The following TMPRSS2 variants were observed in gnomAD, a reference collection of about 807,000 sequenced individuals.
TMPRSS2 encodes the protein transmembrane protease serine 2.
A neutral mutation model predicts 67.4 loss-of-function variants in TMPRSS2; 59 were observed. The ratio of observed to expected loss-of-function variants is 0.88; its 90% CI spans 0.71 to 1.09. The LOEUF is 1.09. TMPRSS2 is among the 50% of genes least tolerant of loss of function. TMPRSS2 has a pLI of 0.00. For synonymous variants in TMPRSS2, 257 were observed against 257.0 expected, an observed-to-expected ratio of 1.00 and a Z score of 0.00; for missense variants, 668 against 642.7, an observed-to-expected ratio of 1.04 and a Z score of -0.43.
intron 5 of TMPRSS2, among the ~76,000 whole-genome samples, chr21:41,480,873 G>C (rs2091251991): frequency 6.6e-6 from 1 of 152,094 alleles, no homozygotes; most frequent in Non-Finnish European, 1.5e-5. Context: ...CCTGACCTCA[G>C]GTGATCCCCC....
chr21:41,480,450 C>G (rs1189538905), intron 6 of TMPRSS2, 26 bp downstream of exon 6: 1 of 1,608,990 alleles, frequency 6.2e-7, no homozygotes, highest in Admixed American at 1.7e-5. Flanking sequence ...GTTACTGTCA[C>G]TCGGCGGGTG....
rs1383179569 is a variant in TMPRSS2, at chr21:41,464,559, A to G, written c.*1583T>C. ...CTTCAAAGATGCAGTAGTTACTTTG[A>G]AAAAAAAATTGCATAATTTATTTGC... On this transcript the variant is annotated 3_prime_UTR_variant, in exon 14 of 14. Coordinates refer to ENST00000332149, the MANE Select transcript of TMPRSS2 (RefSeq NM_005656.4). The G allele has an allele frequency of 5.8e-6, 1 of 173,782 alleles. No individual in the cohort carries two copies. The highest frequency in any genetic ancestry group is 7.4e-5 in the East Asian group (1 of 13,478). The allele number at this position is 173,782 out of a possible 1,614,324, so 10.8% of individuals were successfully genotyped here. A position where few individuals can be genotyped will look rare whatever the true frequency, so the allele number is the denominator to read the frequency against.
chr21:41,483,209 T>C (rs2091269397), intron 5 of TMPRSS2, among the ~76,000 whole-genome samples: 1 of 152,212 alleles, frequency 6.6e-6, no homozygotes, highest in South Asian at 2.1e-4. Context: ...CTCGCTGCCC[T>C]GTCTGTTTCA....
chr21:41,496,384 C>A (rs1047216525), intron 2 of TMPRSS2, among the ~76,000 whole-genome samples: 1 of 152,242 alleles, frequency 6.6e-6, no homozygotes, highest in Admixed American at 6.5e-5. Context: ...TGGTTCACAA[C>A]ATGGGCTGTT....
chr21:41,466,351 G>A (rs555911696), intron 13 of TMPRSS2, among the ~76,000 whole-genome samples, 198 bp from the exon 14 acceptor site: 35 of 152,340 alleles, frequency 2.3e-4, no homozygotes, highest in African/African-American at 8.2e-4. Flanking sequence ...CGGAAGGAGC[G>A]GGCAGCGGAT....
rs2091126075 is a variant in TMPRSS2, at chr21:41,470,741, G to A, written c.1078C>T (p.Leu360=). The change falls in exon 11 of 14, where the codon CTA becomes TTA. Residue 360 remains leucine, a splice_region_variant and synonymous_variant. Transcript: ENST00000332149. Reference sequence around the variant, plus strand: ...TTGGGCAGACACACTGGTTTCACTAGGTCTGTTTCAAGAAGAGAAAACACA... The same window carrying A: ...TTGGGCAGACACACTGGTTTCACTAAGTCTGTTTCAAGAAGAGAAAACACA... The part of the protein sequence containing the change: ...KLQKPLTFND[L]VKPVCLPNPG... 9.9e-6 allele frequency: 16 copies of A among 1,612,904 alleles called. No individual in the cohort carries two copies. The highest frequency in any genetic ancestry group is 1.4e-5 in the Non-Finnish European group (16 of 1,179,908).
intron 13 of TMPRSS2, among the ~76,000 whole-genome samples, chr21:41,466,486 T>C (rs1432728464): frequency 6.6e-6 from 1 of 152,218 alleles, no homozygotes; most frequent in African/African-American, 2.4e-5. Flanking sequence ...CAAACACACC[T>C]GGATCATTTC....
Position 41,479,051 on chromosome 21 carries a change from T to A in TMPRSS2, c.683+121A>T, listed in dbSNP as rs184993135. The A allele has an allele frequency of 8.6e-5, 65 of 756,742 alleles. No homozygotes were observed. The Admixed American group carries it at 1.2e-3, about 14-fold the overall frequency. The allele number at this position is 756,742 out of a possible 1,614,324, so 46.9% of individuals were successfully genotyped here. ...TGGTCAGACTCTAATCTCCTCCCAA[T>A]GCAAAACCCATCCAGACCGAGTATT... is the stretch of plus-strand genomic sequence containing the variant. On this transcript the variant is annotated intron_variant, in intron 7 of 13. Coordinates refer to ENST00000332149, the MANE Select transcript of TMPRSS2 (RefSeq NM_005656.4).
Position 41,470,761 on chromosome 21 carries a change from AAC to A in TMPRSS2, c.1076-20_1076-19del. The A allele has an allele frequency of 6.2e-7, 1 of 1,611,982 alleles. No individual in the cohort carries two copies. The highest frequency in any genetic ancestry group is 8.5e-7 in the Non-Finnish European group (1 of 1,179,458). On this transcript the variant is annotated intron_variant, in intron 10 of 13. Coordinates refer to ENST00000332149, the MANE Select transcript of TMPRSS2 (RefSeq NM_005656.4). Reference sequence around the variant, plus strand: ...CACTAGGTCTGTTTCAAGAAGAGAAAACACAGTGAGCCAGGCGGGTATCACCT... The same window carrying A: ...CACTAGGTCTGTTTCAAGAAGAGAAAACAGTGAGCCAGGCGGGTATCACCT...
At chr21:41,504,105 T>G (rs1373048385) in intron 1 of TMPRSS2, among the ~76,000 whole-genome samples, 2 of 152,222 alleles carry the variant, frequency 1.3e-5, no homozygotes, top group Non-Finnish European at 2.9e-5. Context: ...TTGAAAATAT[T>G]TTTCTAACAA....
chr21:41,470,292 GC>G (rs1480061028), intron 11 of TMPRSS2, among the ~76,000 whole-genome samples: 2 of 152,166 alleles, frequency 1.3e-5, no homozygotes, highest in Non-Finnish European at 2.9e-5. Context: ...TCCTCACCAA[GC>G]CCCCTGTCAC....
At chr21:41,479,022 G>T in intron 7 of TMPRSS2, 150 bp downstream of exon 7, 1 of 620,518 alleles carries the variant, frequency 1.6e-6, no homozygotes, top group Non-Finnish European at 2.8e-6. Flanking sequence ...AGAGTAACCA[G>T]GCCTGGTCAG....
chr21:41,487,773 A>G lies in TMPRSS2; in HGVS notation c.445+621T>C, dbSNP rs1285707904. On this transcript the variant is annotated intron_variant, in intron 5 of 13. Transcript: ENST00000332149. Reference sequence around the variant, plus strand: ...AAAGGCAGCTTGTTTTGAAAATAACATAGTGCATCTCCAATTTTGTTTTTA... The same window carrying G: ...AAAGGCAGCTTGTTTTGAAAATAACGTAGTGCATCTCCAATTTTGTTTTTA... 2.6e-5 allele frequency: 4 copies of G among 152,220 alleles called. No individual in the cohort carries two copies. The East Asian group carries it at 7.7e-4, about 29-fold the overall frequency. The allele number at this position is 152,220 out of a possible 1,614,324, so 9.4% of individuals were successfully genotyped here.
chr21:41,468,668 G>C (rs462326), intron 11 of TMPRSS2, 130 bp from the exon 12 acceptor site: 790,445 of 1,062,542 alleles, frequency 0.74, 303,262 homozygotes, highest in Middle Eastern at 0.83. Context: ...GCCCTGCCCC[G>C]GTCAGCTCAT....
intron 4 of TMPRSS2, among the ~76,000 whole-genome samples, chr21:41,489,149 G>C (rs148650056): frequency 6.6e-6 from 1 of 152,326 alleles, no homozygotes; most frequent in Non-Finnish European, 1.5e-5. Context: ...AGGCTGATGG[G>C]AAGGCTCAGG....
intron 12 of TMPRSS2, 152 bp downstream of exon 12, chr21:41,468,244 C>T (rs1017698498): frequency 1.2e-4 from 107 of 922,874 alleles, no homozygotes; most frequent in Admixed American, 9.5e-4. Context: ...CAGAAGCGTT[C>T]GCACTGTTTG....
chr21:41,506,038 A>G (rs2091455384), intron 1 of TMPRSS2, among the ~76,000 whole-genome samples: 1 of 152,224 alleles, frequency 6.6e-6, no homozygotes, highest in Non-Finnish European at 1.5e-5. Flanking sequence ...CTGGCTGAAA[A>G]AAGTGCCACA....
At chr21:41,483,288 A>G (rs2091270140) in intron 5 of TMPRSS2, among the ~76,000 whole-genome samples, 2 of 152,048 alleles carry the variant, frequency 1.3e-5, no homozygotes, top group African/African-American at 4.8e-5. Context: ...ACTGAAATGA[A>G]TACACTTCTT....
intron 1 of TMPRSS2, among the ~76,000 whole-genome samples, chr21:41,501,632 A>G (rs992284558): frequency 4.1e-5 from 6 of 145,090 alleles, no homozygotes; most frequent in South Asian, 2.3e-4. Flanking sequence ...AAAAAAAAAA[A>G]AAAAGAAACA....
Sources: gnomAD v4.1 joint callset for allele counts (sites outside exome capture counted in the v4.1 genomes callset) on GRCh38, gnomAD v4.1.1 for gene constraint, MANE v1.5 for transcripts, NCBI Gene and HGNC (gene_info 2026-07-23, HGNC 2026-07-21) for gene names.